Variants in MALRD1 observed in about 807,000 individuals in gnomAD.
MALRD1 encodes the protein MAM and LDL receptor class A domain containing 1, also known as MAM and LDL-receptor class A domain-containing protein 1.
Under a neutral mutation model 242.1 loss-of-function variants are expected in MALRD1, and 247 were observed. The ratio of observed to expected loss-of-function variants is 1.02; its 90% CI spans 0.92 to 1.13. The LOEUF (loss-of-function observed/expected upper bound fraction) is 1.13, where lower values mean the gene tolerates loss of function less well. Ranked by LOEUF, MALRD1 falls within the 50% of genes most tolerant of loss-of-function variation. The probability of loss-of-function intolerance (pLI) is 0.00; values close to 1 mark genes in which losing one functional copy is unlikely to be tolerated. For missense variants in MALRD1, 2,989 were observed against 2,533.1 expected, an observed-to-expected ratio of 1.18 and a Z score of -3.86; for synonymous variants, 995 against 866.6, an observed-to-expected ratio of 1.15 and a Z score of -2.60.
chr10:19,632,507 T>C (rs554741735), intron 36 of MALRD1, among the ~76,000 whole-genome samples: 1 of 152,286 alleles, frequency 6.6e-6, no homozygotes, highest in East Asian at 1.9e-4. Context: ...GTAAAAGTTA[T>C]AAAGATCATT....
chr10:19,258,650 A>G (rs575191688), intron 19 of MALRD1, among the ~76,000 whole-genome samples: 88 of 152,266 alleles, frequency 5.8e-4, no homozygotes, highest in African/African-American at 2.0e-3. Context: ...TTTCAGTTGT[A>G]GCTATGTGAC....
chr10:19,567,442 G>C (rs1321819353), intron 32 of MALRD1, 60 bp from the exon 33 acceptor site: 9 of 1,366,300 alleles, frequency 6.6e-6, no homozygotes, highest in Admixed American at 4.1e-5. Context: ...TCAATCATCT[G>C]GATGTCCTGA....
At chr10:19,369,282 A>G (rs1299649209) in intron 26 of MALRD1, among the ~76,000 whole-genome samples, 2 of 146,924 alleles carry the variant, frequency 1.4e-5, no homozygotes, top group African/African-American at 4.9e-5. Flanking sequence ...TATGGTGTAT[A>G]TAATATATAT....
intron 7 of MALRD1, among the ~76,000 whole-genome samples, chr10:19,126,793 G>A (rs1438209316): frequency 6.6e-6 from 1 of 151,780 alleles, no homozygotes; most frequent in Non-Finnish European, 1.5e-5. Context: ...ACATGTGCAG[G>A]ATGTGCAGGT....
At chr10:19,209,768 G>C (rs1452092836) in intron 18 of MALRD1, 88 bp downstream of exon 18, 6 of 1,306,292 alleles carry the variant, frequency 4.6e-6, no homozygotes, top group Non-Finnish European at 5.1e-6. Flanking sequence ...CTAATTAAAA[G>C]CAAGTGGAAT....
At chr10:19,276,810 G>C (rs1840548867) in intron 19 of MALRD1, among the ~76,000 whole-genome samples, 1 of 151,644 alleles carries the variant, frequency 6.6e-6, no homozygotes. Context: ...TTTCCAACCT[G>C]TTAGGATCTC....
At chr10:19,067,667 C>T (rs368921908) in intron 2 of MALRD1, among the ~76,000 whole-genome samples, 1 of 152,012 alleles carries the variant, frequency 6.6e-6, no homozygotes, top group Admixed American at 6.6e-5. Flanking sequence ...GTCTGTCCCT[C>T]CCTAGCTGTA....
intron 33 of MALRD1, among the ~76,000 whole-genome samples, chr10:19,592,447 G>A (rs1837840831): frequency 6.6e-6 from 1 of 152,196 alleles, no homozygotes; most frequent in Admixed American, 6.5e-5. Flanking sequence ...TGTAACTCTG[G>A]AGGGCAATTC....
At chr10:19,297,675 A>T (rs1841771666) in intron 21 of MALRD1, among the ~76,000 whole-genome samples, 1 of 151,954 alleles carries the variant, frequency 6.6e-6, no homozygotes, top group African/African-American at 2.4e-5. Flanking sequence ...TATTTTGCAT[A>T]CAAGATATGA....
intron 18 of MALRD1, among the ~76,000 whole-genome samples, chr10:19,232,753 G>A (rs547732363): frequency 7.9e-5 from 12 of 152,198 alleles, no homozygotes; most frequent in Admixed American, 6.5e-4. Flanking sequence ...ATACATACAA[G>A]CATGCAGATG....
rs759363424 is a variant in MALRD1 at position 19,615,877 on chromosome 10, A to G, written c.6091A>G (p.Arg2031Gly). Reference sequence around the variant, plus strand: ...TTTAGAATGTCCATTAAATTACTGCAGAAATGGTGGGACTTGTGTAGTGGA... The same window carrying G: ...TTTAGAATGTCCATTAAATTACTGCGGAAATGGTGGGACTTGTGTAGTGGA... ...SCSECPLNYC[R>G]NGGTCVVEKN... Residue 2031 changes from arginine (R) to glycine (G), a missense_variant, in exon 36 of 40, where the codon AGA becomes GGA. Arg to Gly is a moderately radical substitution (Grantham distance 125). Coordinates refer to ENST00000454679, the MANE Select transcript of MALRD1 (RefSeq NM_001142308.3). 2.0e-6 allele frequency: 3 copies of G among 1,531,786 alleles called. No homozygotes were observed. The highest frequency in any genetic ancestry group is 2.4e-5 in the South Asian group (2 of 83,438). 94.9% of individuals were successfully genotyped at this position (1,531,786 alleles called of 1,614,324 possible).
rs371247869 is a variant in MALRD1 at position 19,480,419 on chromosome 10, A to G, written c.5030-11098A>G. On this transcript the variant is annotated intron_variant, in intron 29 of 39. Transcript: ENST00000454679. ...ACAGTTTGTTTTTCTAGCAGTTGAA[A>G]GTCTGGACTGGAAAAGGAACCAAGA... Among the ~76,000 whole-genome samples, 7 of 152,308 alleles carry G rather than the reference A, an allele frequency of 4.6e-5. No individual in the cohort carries two copies. The East Asian group carries it at 1.2e-3, about 25-fold the overall frequency.
At chr10:19,072,835 T>C (rs1835195461) in intron 2 of MALRD1, among the ~76,000 whole-genome samples, 1 of 152,138 alleles carries the variant, frequency 6.6e-6, no homozygotes, top group Non-Finnish European at 1.5e-5. Context: ...TAAATACTTT[T>C]AGTACTTATT....
intron 29 of MALRD1, 59 bp from the exon 30 acceptor site, chr10:19,491,458 C>G: frequency 6.6e-7 from 1 of 1,523,160 alleles, no homozygotes; most frequent in Non-Finnish European, 8.8e-7. Context: ...TAACAGGAAT[C>G]TTCAAGTCTA....
chr10:19,366,433 C>A (rs115423894), intron 26 of MALRD1, among the ~76,000 whole-genome samples: 4 of 152,092 alleles, frequency 2.6e-5, no homozygotes, highest in African/African-American at 9.7e-5. Context: ...ACAGATGAAG[C>A]TTAGCTCACT....
In MALRD1 at chr10:19,477,098, A is replaced by G. The variant is rs905673881; in HGVS notation, c.5030-14419A>G. On this transcript the variant is annotated intron_variant, in intron 29 of 39. Coordinates refer to ENST00000454679, the MANE Select transcript of MALRD1 (RefSeq NM_001142308.3). ...AGAGATGGGAATGCCTGCGGCTTGA[A>G]ATGCACTACAAGAATACGTTTTAAC... is the stretch of plus-strand genomic sequence containing the variant. Among the ~76,000 whole-genome samples the G allele has an allele frequency of 2.0e-5, 3 of 152,172 alleles. No individual in the cohort carries two copies. The South Asian group carries it at 6.2e-4, about 31-fold the overall frequency.
chr10:19,525,374 A>C (rs1834060373), intron 31 of MALRD1, among the ~76,000 whole-genome samples: 1 of 152,180 alleles, frequency 6.6e-6, no homozygotes. Flanking sequence ...TGCTGACATC[A>C]ATGTGAAAAA....
chr10:19,082,599 T>C (rs1835528372), intron 2 of MALRD1, among the ~76,000 whole-genome samples: 1 of 151,940 alleles, frequency 6.6e-6, no homozygotes, highest in Non-Finnish European at 1.5e-5. Flanking sequence ...TATTGATTGC[T>C]TTGCTTTTTT....
At chr10:19,330,360 ATAAT>A (rs908257779) in intron 23 of MALRD1, among the ~76,000 whole-genome samples, 1 of 152,026 alleles carries the variant, frequency 6.6e-6, no homozygotes, top group Non-Finnish European at 1.5e-5. Flanking sequence ...AAAAAAAACT[ATAAT>A]TATTTCTTTT....
Sources: allele counts gnomAD v4.1 joint callset (sites outside exome capture counted in the v4.1 genomes callset), GRCh38; gene constraint gnomAD v4.1.1; transcripts MANE v1.5; gene names NCBI Gene and HGNC (gene_info 2026-07-23, HGNC 2026-07-21).